The following RAD23B variants were observed in gnomAD, a reference collection of about 807,000 sequenced individuals.
The protein encoded by RAD23B is lysine-specific demethylase RAD23B.
A neutral mutation model predicts 49.1 loss-of-function variants in RAD23B; 5 were observed. The ratio of observed to expected loss-of-function variants is 0.10; its 90% CI spans 0.05 to 0.21. RAD23B has a LOEUF of 0.21. Among genes scored for constraint, RAD23B ranks in the 10% least tolerant of loss-of-function variants. The pLI, the probability that RAD23B is intolerant of heterozygous loss-of-function variation, is 1.00. For missense variants in RAD23B, 356 were observed against 486.7 expected, an observed-to-expected ratio of 0.73 and a Z score of 2.53; for synonymous variants, 184 against 165.4, an observed-to-expected ratio of 1.11 and a Z score of -0.86.
chr9:107,329,418 G>A (rs556536033), intron 9 of RAD23B, 125 bp from the exon 10 acceptor site: 4 of 574,080 alleles, frequency 7.0e-6, no homozygotes, highest in Non-Finnish European at 1.2e-5. Context: ...AGCTTTTTTG[G>A]GTTGCAGTAT....
intron 5 of RAD23B, among the ~76,000 whole-genome samples, chr9:107,313,923 CCTCCTTCCTTCCTTT>C (rs766704320): frequency 7.3e-5 from 11 of 151,716 alleles, no homozygotes; most frequent in African/African-American, 1.5e-4. Context: ...CTCCTTCCTT[CCTCCTTCCTTCCTTT>C]CTCCTTCCTT....
At chr9:107,319,745 ATAAAG>A (rs923630157) in intron 6 of RAD23B, among the ~76,000 whole-genome samples, 1 of 151,066 alleles carries the variant, frequency 6.6e-6, no homozygotes, top group African/African-American at 2.5e-5. Context: ...GACTTTTTGA[ATAAAG>A]TATTCTTTTT....
chr9:107,307,589 T>C (rs1303495412), intron 4 of RAD23B, among the ~76,000 whole-genome samples: 1 of 152,220 alleles, frequency 6.6e-6, no homozygotes, highest in Admixed American at 6.5e-5. Flanking sequence ...TGGAAAACTA[T>C]GCAGTGACTG....
At chr9:107,293,960 A>G (rs552857202) in intron 1 of RAD23B, among the ~76,000 whole-genome samples, 1 of 152,094 alleles carries the variant, frequency 6.6e-6, no homozygotes, top group African/African-American at 2.4e-5. Context: ...AATTAAAAAA[A>G]TTTTTTTGGA....
At chr9:107,295,422 G>A (rs1353006850) in intron 1 of RAD23B, among the ~76,000 whole-genome samples, 1 of 152,162 alleles carries the variant, frequency 6.6e-6, no homozygotes, top group African/African-American at 2.4e-5. Context: ...GCGAACCAGA[G>A]GACAGGTGGA....
intron 6 of RAD23B, 67 bp from the exon 7 acceptor site, chr9:107,321,916 C>T: frequency 7.1e-7 from 1 of 1,405,182 alleles, no homozygotes; most frequent in Non-Finnish European, 9.4e-7. Flanking sequence ...GACTATAAAT[C>T]TTTTACTCTG....
Position 107,323,822 on chromosome 9 carries a change from G to GTATT in RAD23B, c.818-67_818-64dup, listed in dbSNP as rs1419068491. 9 of 1,392,018 alleles carry GTATT rather than the reference G, an allele frequency of 6.5e-6. No homozygotes were observed. In the African/African-American group the frequency reaches 8.6e-5, roughly 13 times the overall value. 86.2% of individuals were successfully genotyped at this position (1,392,018 alleles called of 1,614,324 possible). A position where few individuals can be genotyped will look rare whatever the true frequency, so the allele number is the denominator to read the frequency against. ...CTTTGATAGTGTTTGCTGTCTAAATGTATTATTTAACCACTGTTTGTGTAT... is the reference window on the plus strand; with the variant it reads ...CTTTGATAGTGTTTGCTGTCTAAATGTATTTATTATTTAACCACTGTTTGTGTAT... On this transcript the variant is annotated intron_variant, in intron 7 of 9. Coordinates refer to ENST00000358015, the MANE Select transcript of RAD23B (RefSeq NM_002874.5).
chr9:107,323,513 G>T (rs1827146843), intron 7 of RAD23B, among the ~76,000 whole-genome samples: 1 of 151,998 alleles, frequency 6.6e-6, no homozygotes. Flanking sequence ...TTTTGTTGTG[G>T]TGTATATTTT....
intron 6 of RAD23B, among the ~76,000 whole-genome samples, chr9:107,319,547 G>A (rs1827068325): frequency 6.6e-6 from 1 of 152,114 alleles, no homozygotes; most frequent in South Asian, 2.1e-4. Flanking sequence ...CAGATTTCTG[G>A]TTTAACTGGA....
At chr9:107,294,656 G>A (rs1826461022) in intron 1 of RAD23B, among the ~76,000 whole-genome samples, 1 of 152,202 alleles carries the variant, frequency 6.6e-6, no homozygotes, top group Non-Finnish European at 1.5e-5. Context: ...AAGTAATTTA[G>A]ACACAGTTCT....
At chr9:107,302,150 T>C (rs1262299356) in intron 3 of RAD23B, 36 bp downstream of exon 3, 1 of 1,607,890 alleles carries the variant, frequency 6.2e-7, no homozygotes, top group South Asian at 1.1e-5. Flanking sequence ...TCTTTATGCA[T>C]GTAGGTCTTT....
chr9:107,307,694 G>A (rs972885416), intron 4 of RAD23B, among the ~76,000 whole-genome samples: 2 of 152,202 alleles, frequency 1.3e-5, no homozygotes, highest in African/African-American at 4.8e-5. Flanking sequence ...CTGCCTTTGA[G>A]TGTGGTTTCT....
At chr9:107,306,081 C>CATA (rs1564245586) in intron 3 of RAD23B, among the ~76,000 whole-genome samples, 6 of 75,074 alleles carry the variant, frequency 8.0e-5, no homozygotes, top group Admixed American at 4.5e-4. Context: ...ATCTATATAT[C>CATA]TATATATATT....
chr9:107,303,708 G>A (rs1248870157), intron 3 of RAD23B, among the ~76,000 whole-genome samples: 1 of 152,150 alleles, frequency 6.6e-6, no homozygotes, highest in Non-Finnish European at 1.5e-5. Context: ...TATAGCTTGT[G>A]CCAGAATTTG....
At chr9:107,327,347 GTTTAGT>G (rs1412215471) in intron 9 of RAD23B, among the ~76,000 whole-genome samples, 5 of 151,928 alleles carry the variant, frequency 3.3e-5, no homozygotes, top group African/African-American at 1.2e-4. Flanking sequence ...TTAGTTCTTT[GTTTAGT>G]TTTAGTTTAA....
At chr9:107,328,730 A>G (rs1020165283) in intron 9 of RAD23B, among the ~76,000 whole-genome samples, 3 of 152,192 alleles carry the variant, frequency 2.0e-5, no homozygotes, top group African/African-American at 7.2e-5. Flanking sequence ...TAACAGGCCA[A>G]TGGCTGGTGC....
At chr9:107,306,329 G>T in intron 3 of RAD23B, 50 bp from the exon 4 acceptor site, 1 of 1,553,424 alleles carries the variant, frequency 6.4e-7, no homozygotes, top group East Asian at 2.3e-5. Flanking sequence ...TTAGAGATCA[G>T]GCAGTATGTA....
intron 1 of RAD23B, chr9:107,284,259 G>A (rs1221142167): frequency 1.0e-6 from 1 of 978,764 alleles, no homozygotes; most frequent in Non-Finnish European, 1.2e-6. Flanking sequence ...CAAATGAATC[G>A]TTCTGCTGCC....
At chr9:107,324,568 TTTTTGTTTG>T (rs1430215028) in intron 8 of RAD23B, among the ~76,000 whole-genome samples, 1 of 152,062 alleles carries the variant, frequency 6.6e-6, no homozygotes, top group African/African-American at 2.4e-5. Flanking sequence ...TTTTGTTTGT[TTTTTGTTTG>T]TTTTGTTTTT....
Sources: gnomAD v4.1 joint callset for allele counts (sites outside exome capture counted in the v4.1 genomes callset) on GRCh38, gnomAD v4.1.1 for gene constraint, MANE v1.5 for transcripts, NCBI Gene and HGNC (gene_info 2026-07-23, HGNC 2026-07-21) for gene names.